Variants in OSMR observed in about 807,000 individuals in gnomAD.
OSMR encodes oncostatin-M-specific receptor subunit beta.
OSMR carries 81 observed loss-of-function variants against 99.9 expected under a neutral mutation model. That is an observed-to-expected ratio of 0.81 (90% confidence interval 0.68 to 0.97). The LOEUF is 0.97. OSMR is among the 50% of genes least tolerant of loss of function. The pLI is 0.00. For missense variants in OSMR, 1,099 were observed against 1,153.4 expected, an observed-to-expected ratio of 0.95 and a Z score of 0.68; for synonymous variants, 406 against 410.4, an observed-to-expected ratio of 0.99 and a Z score of 0.13.
rs1388304705 is a variant in OSMR at position 38,883,671 on chromosome 5, A to AC, written c.419-154dup. ...TGGTGGAAAGGATTGTCTTGCATGC[A>AC]CCAGAGGGTAGAGGTTTGGCAGAGA... is the stretch of plus-strand genomic sequence containing the variant. On this transcript the variant is annotated intron_variant, in intron 4 of 17. Transcript: ENST00000274276. The AC allele has an allele frequency of 1.7e-5, 17 of 984,880 alleles. No individual in the cohort carries two copies. The African/African-American group carries it at 2.8e-4, about 16-fold the overall frequency. 61.0% of individuals were successfully genotyped at this position (984,880 alleles called of 1,614,324 possible).
intron 9 of OSMR, among the ~76,000 whole-genome samples, chr5:38,915,275 A>G (rs540124262): frequency 6.6e-6 from 1 of 152,306 alleles, no homozygotes; most frequent in African/African-American, 2.4e-5. Flanking sequence ...ATTTCTCAAA[A>G]ATTTGACAGC....
chr5:38,924,877 C>CTT (rs3056139), intron 14 of OSMR, among the ~76,000 whole-genome samples: 44 of 149,082 alleles, frequency 3.0e-4, no homozygotes, highest in East Asian at 9.9e-4. Context: ...AAACTTTCCT[C>CTT]TTTTTTTTTT....
At chr5:38,906,068 C>T (rs1170369970) in intron 9 of OSMR, among the ~76,000 whole-genome samples, 2 of 152,020 alleles carry the variant, frequency 1.3e-5, no homozygotes, top group Non-Finnish European at 2.9e-5. Flanking sequence ...GTACGGGTTC[C>T]TCAATAATCT....
intron 2 of OSMR, among the ~76,000 whole-genome samples, chr5:38,874,434 C>G (rs765939095): frequency 2.6e-5 from 4 of 152,196 alleles, no homozygotes; most frequent in Non-Finnish European, 5.9e-5. Flanking sequence ...TCTTGTTCAT[C>G]TCACTTTCAT....
Position 38,881,621 on chromosome 5 carries a change from A to G in OSMR, c.275A>G (p.Asn92Ser). Residue 92 changes from asparagine (N) to serine (S), a missense_variant, in exon 4 of 18, where the codon AAC (asparagine) becomes AGC (serine). Transcript: ENST00000274276. ...AATTACAGCACCACTGTGAAGTGGAACCAGGTTCTGCATTGGAGCTGGGAA... is the reference window on the plus strand; with the variant it reads ...AATTACAGCACCACTGTGAAGTGGAGCCAGGTTCTGCATTGGAGCTGGGAA... Reference protein sequence around the residue: ...VGNYSTTVKWNQVLHWSWESE... With the variant: ...VGNYSTTVKWSQVLHWSWESE... The G allele has an allele frequency of 6.2e-7, 1 of 1,614,124 alleles. No homozygotes were observed. The highest frequency in any genetic ancestry group is 8.5e-7 in the Non-Finnish European group (1 of 1,179,974).
At chr5:38,903,858 G>C (rs752510250) in intron 7 of OSMR, 24 bp from the exon 8 acceptor site, 1 of 1,599,600 alleles carries the variant, frequency 6.3e-7, no homozygotes, top group Non-Finnish European at 8.5e-7. Context: ...GAATTTTTTT[G>C]TTTCTTTTTC....
At chr5:38,922,053 G>T (rs1378428172) in intron 12 of OSMR, among the ~76,000 whole-genome samples, 3 of 152,312 alleles carry the variant, frequency 2.0e-5, no homozygotes, top group African/African-American at 7.2e-5. Flanking sequence ...TTAGTGCATA[G>T]TCTCGAATGG....
intron 15 of OSMR, 39 bp from the exon 16 acceptor site, chr5:38,931,844 G>C (rs761258609): frequency 2.5e-6 from 4 of 1,591,908 alleles, no homozygotes; most frequent in Non-Finnish European, 3.4e-6. Context: ...GAAGGGAAAA[G>C]TACTTATTAA....
intron 15 of OSMR, among the ~76,000 whole-genome samples, chr5:38,927,148 T>G (rs1398440760): frequency 1.3e-5 from 2 of 152,216 alleles, no homozygotes; most frequent in Admixed American, 1.3e-4. Context: ...GGGTACAGAC[T>G]CCTTCTGGCT....
intron 4 of OSMR, 109 bp downstream of exon 4, chr5:38,881,873 C>T (rs1218867022): frequency 1.0e-6 from 1 of 964,526 alleles, no homozygotes; most frequent in East Asian, 2.4e-5. Flanking sequence ...TAGACACTGA[C>T]ATTATTTTCC....
At chr5:38,868,959 C>A in intron 1 of OSMR, 73 bp from the exon 2 acceptor site, 1 of 1,559,640 alleles carries the variant, frequency 6.4e-7, no homozygotes. Context: ...TCATCTACCA[C>A]AATTGGCTCG....
chr5:38,847,721 C>G (rs1324563739), intron 1 of OSMR, among the ~76,000 whole-genome samples: 1 of 152,160 alleles, frequency 6.6e-6, no homozygotes, highest in African/African-American at 2.4e-5. Flanking sequence ...TGGCAGGAAG[C>G]TCACCACCTC....
chr5:38,933,151 A>G lies in OSMR; in HGVS notation c.2647A>G (p.Met883Val), dbSNP rs140314925. 8.1e-5 allele frequency: 131 copies of G among 1,614,040 alleles called. No individual in the cohort carries two copies. The highest frequency in any genetic ancestry group is 1.6e-4 in the Middle Eastern group (1 of 6,082). ...HVPVSPKAPS[M>V]LGLMTSPENV... ...TCCAGTATCCCCAAAAGCCCCAAGT[A>G]TGCTGGGACTAATGACCTCACCTGA... Residue 883 changes from methionine (M) to valine (V), a missense_variant, in exon 18 of 18, where the codon ATG becomes GTG. Coordinates refer to ENST00000274276, the MANE Select transcript of OSMR (RefSeq NM_003999.3).
intron 15 of OSMR, among the ~76,000 whole-genome samples, chr5:38,928,764 A>G (rs1665180): frequency 6.6e-6 from 1 of 152,192 alleles, no homozygotes; most frequent in East Asian, 1.9e-4. Flanking sequence ...AGGTTTCCAA[A>G]CCAAAATCCA....
At chr5:38,853,641 C>T (rs1740616546) in intron 1 of OSMR, among the ~76,000 whole-genome samples, 2 of 152,148 alleles carry the variant, frequency 1.3e-5, no homozygotes, top group African/African-American at 4.8e-5. Context: ...ATTCAGAATA[C>T]CCTTGGATTC....
intron 7 of OSMR, among the ~76,000 whole-genome samples, chr5:38,898,197 G>A (rs1744646547): frequency 1.3e-5 from 2 of 152,108 alleles, no homozygotes; most frequent in Admixed American, 1.3e-4. Context: ...TGAAAATGGG[G>A]TGTTTAAGTC....
chr5:38,886,161 T>C lies in OSMR; in HGVS notation c.962T>C (p.Val321Ala), dbSNP rs1408061409. 6.2e-7 allele frequency: 1 copy of C among 1,614,026 alleles called. No individual in the cohort carries two copies. The highest frequency in any genetic ancestry group is 1.3e-5 in the African/African-American group (1 of 75,016). ...GAAAATTACTTAAGGAAGAGAAGTG[T>C]CAATATCCTTTTTAACCTGACTCAT... is the stretch of plus-strand genomic sequence containing the variant. Reference protein sequence around the residue: ...IAENYLRKRSVNILFNLTHRV... With the variant: ...IAENYLRKRSANILFNLTHRV... The change falls in exon 7 of 18, where the codon GTC (valine) becomes GCC (alanine). Residue 321 changes from valine (V) to alanine (A), a missense_variant. Coordinates refer to ENST00000274276, the MANE Select transcript of OSMR (RefSeq NM_003999.3).
chr5:38,874,526 T>G (rs905670818), intron 2 of OSMR, among the ~76,000 whole-genome samples: 1 of 152,170 alleles, frequency 6.6e-6, no homozygotes, highest in Non-Finnish European at 1.5e-5. Flanking sequence ...TGTGGACCAA[T>G]CACAAGAAAA....
chr5:38,923,253 T>G lies in OSMR; in HGVS notation c.1869T>G (p.Leu623=). 1 of 1,569,736 alleles carries G rather than the reference T, an allele frequency of 6.4e-7. No homozygotes were observed. The highest frequency in any genetic ancestry group is 8.8e-7 in the Non-Finnish European group (1 of 1,139,980). ...AAAAAACAGGATACTCTCAGGAACT[T>G]GGTAAGTTTAAAGCATGTAATGTGC... is the stretch of plus-strand genomic sequence containing the variant. The part of the protein sequence containing the change: ...LEKKTGYSQE[L]APSDNPHVLV... The change falls in exon 13 of 18, where the codon CTT becomes CTG. Residue 623 remains leucine (L), a splice_region_variant and synonymous_variant. Transcript: ENST00000274276.
Sources: gnomAD v4.1 joint callset for allele counts (sites outside exome capture counted in the v4.1 genomes callset) on GRCh38, gnomAD v4.1.1 for gene constraint, MANE v1.5 for transcripts, NCBI Gene and HGNC (gene_info 2026-07-23, HGNC 2026-07-21) for gene names.